Variants in CRPPA observed in about 807,000 individuals in gnomAD.
CRPPA encodes the protein D-ribitol-5-phosphate cytidylyltransferase.
A neutral mutation model predicts 52.0 loss-of-function variants in CRPPA; 43 were observed. That is an observed-to-expected ratio of 0.83 (90% CI 0.65 to 1.07). The LOEUF (loss-of-function observed/expected upper bound fraction) is 1.07. Ranked by LOEUF, CRPPA falls within the 50% of genes least tolerant of loss-of-function variation. CRPPA has a pLI of 0.00. For synonymous variants in CRPPA, 250 were observed against 203.5 expected (o/e 1.23, Z -1.94); for missense variants, 629 against 551.7 (o/e 1.14, Z -1.40).
At chr7:16,316,116 G>C (rs1785138297) in intron 3 of CRPPA, among the ~76,000 whole-genome samples, 1 of 152,036 alleles carries the variant, frequency 6.6e-6, no homozygotes, top group Non-Finnish European at 1.5e-5. Flanking sequence ...ATGAGAAAAT[G>C]ACACAGGATA....
chr7:16,296,258 G>C (rs2128421702), intron 5 of CRPPA, among the ~76,000 whole-genome samples: 1 of 152,154 alleles, frequency 6.6e-6, no homozygotes, highest in East Asian at 1.9e-4. Context: ...GGAGATTCTA[G>C]TCAAAAGCAT....
chr7:16,160,250 G>A (rs904107112), intron 9 of CRPPA, among the ~76,000 whole-genome samples: 5 of 152,164 alleles, frequency 3.3e-5, no homozygotes, highest in African/African-American at 9.7e-5. Context: ...CTATGCCTAT[G>A]TCCTGAATAG....
chr7:16,419,332 T>C (rs1284693017), intron 1 of CRPPA, among the ~76,000 whole-genome samples: 2 of 152,216 alleles, frequency 1.3e-5, no homozygotes, highest in African/African-American at 4.8e-5. Flanking sequence ...CCTAACTAAC[T>C]CCATCTTGCT....
At chr7:16,359,634 A>T (rs1473779882) in intron 3 of CRPPA, among the ~76,000 whole-genome samples, 1 of 152,158 alleles carries the variant, frequency 6.6e-6, no homozygotes. Context: ...CCTTTCAGTT[A>T]ATTTTTATTT....
chr7:16,344,847 G>C (rs1263590690), intron 3 of CRPPA, among the ~76,000 whole-genome samples: 2 of 151,834 alleles, frequency 1.3e-5, no homozygotes, highest in Non-Finnish European at 2.9e-5. Context: ...AAAGATCTCA[G>C]ATTATCAGTG....
At position 16,294,221 on chromosome 7, in the gene CRPPA, ATTTGGGTTTT is replaced by A. The variant is rs1272565440; in HGVS notation, c.835+7190_835+7199del. ...ATTTGCTTTGAGCATAAATATCATC[ATTTGGGTTTT>A]TTTGGGTTTTTTTTAACTACCTACA... On this transcript the variant is annotated intron_variant, in intron 5 of 9. Coordinates refer to ENST00000407010, the MANE Select transcript of CRPPA (RefSeq NM_001101426.4). Among the ~76,000 whole-genome samples, 3 of 152,068 alleles carry A rather than the reference ATTTGGGTTTT, an allele frequency of 2.0e-5. No homozygotes were observed. The East Asian group carries it at 5.8e-4, about 29-fold the overall frequency.
chr7:16,338,124 C>T (rs1262215443), intron 3 of CRPPA, among the ~76,000 whole-genome samples: 3 of 152,024 alleles, frequency 2.0e-5, no homozygotes, highest in African/African-American at 7.2e-5. Flanking sequence ...TTGGGAATGA[C>T]AGTAAGAGGA....
intron 3 of CRPPA, among the ~76,000 whole-genome samples, chr7:16,375,450 G>A (rs1411432644): frequency 1.3e-5 from 2 of 152,088 alleles, no homozygotes; most frequent in African/African-American, 4.8e-5. Context: ...AAGCAATCCA[G>A]TAATATTAAA....
chr7:16,137,513 T>C (rs1782784223), intron 9 of CRPPA, among the ~76,000 whole-genome samples: 1 of 152,168 alleles, frequency 6.6e-6, no homozygotes, highest in South Asian at 2.1e-4. Context: ...ATTAACTTTT[T>C]TAAAAATGAT....
intron 9 of CRPPA, among the ~76,000 whole-genome samples, chr7:16,210,332 T>C (rs1023033942): frequency 6.6e-6 from 1 of 152,204 alleles, no homozygotes; most frequent in Non-Finnish European, 1.5e-5. Flanking sequence ...TGGTTCCCAA[T>C]GATAACCCTT....
chr7:16,374,467 C>T (rs538389008), intron 3 of CRPPA, among the ~76,000 whole-genome samples: 1 of 152,282 alleles, frequency 6.6e-6, no homozygotes, highest in Non-Finnish European at 1.5e-5. Context: ...TGAGCCAATT[C>T]TCCCTAATAA....
chr7:16,414,187 C>A (rs1357250216), intron 1 of CRPPA, among the ~76,000 whole-genome samples: 1 of 152,118 alleles, frequency 6.6e-6, no homozygotes, highest in African/African-American at 2.4e-5. Context: ...GAAAGCCCTG[C>A]CAGACCTTGT....
Position 16,421,349 on chromosome 7 carries a change from C to G in CRPPA, c.-27G>C. 8.1e-7 allele frequency: 1 copy of G among 1,235,734 alleles called. No individual in the cohort carries two copies. The highest frequency in any genetic ancestry group is 1.0e-6 in the Non-Finnish European group (1 of 988,248). The allele number at this position is 1,235,734 out of a possible 1,614,324, so 76.5% of individuals were successfully genotyped here. On this transcript the variant is annotated 5_prime_UTR_variant, in exon 1 of 10. Coordinates refer to ENST00000407010, the MANE Select transcript of CRPPA (RefSeq NM_001101426.4). Reference sequence around the variant, plus strand: ...GCTGCGGGCGGAACGGCGAGCCCCGCTAGCCTCGGGCCGATGCGACCCCGC... The same window carrying G: ...GCTGCGGGCGGAACGGCGAGCCCCGGTAGCCTCGGGCCGATGCGACCCCGC...
intron 4 of CRPPA, among the ~76,000 whole-genome samples, chr7:16,305,465 GA>G (rs1784887865): frequency 6.6e-6 from 1 of 152,164 alleles, no homozygotes; most frequent in Non-Finnish European, 1.5e-5. Context: ...ATTCCATGTG[GA>G]AAGTGATGCT....
intron 4 of CRPPA, among the ~76,000 whole-genome samples, chr7:16,302,102 T>A (rs538174370): frequency 3.9e-5 from 6 of 152,096 alleles, no homozygotes; most frequent in Admixed American, 2.0e-4. Flanking sequence ...CGAGACCATC[T>A]TAGATAACAC....
At chr7:16,239,243 A>T (rs578239029) in intron 8 of CRPPA, among the ~76,000 whole-genome samples, 4 of 151,776 alleles carry the variant, frequency 2.6e-5, no homozygotes, top group African/African-American at 9.7e-5. Context: ...TAACTTGGAC[A>T]GGTTAAGAGA....
chr7:16,332,700 T>G (rs2389595), intron 3 of CRPPA, among the ~76,000 whole-genome samples: 1 of 152,020 alleles, frequency 6.6e-6, no homozygotes, highest in Non-Finnish European at 1.5e-5. Flanking sequence ...TTCAATTAAA[T>G]TAAAAAACAA....
At chr7:16,160,674 TA>T (rs908514405) in intron 9 of CRPPA, among the ~76,000 whole-genome samples, 3 of 152,168 alleles carry the variant, frequency 2.0e-5, no homozygotes, top group African/African-American at 7.2e-5. Context: ...TATGAAATTT[TA>T]CGTAGTTTTG....
At chr7:16,131,869 C>G (rs189833091) in intron 9 of CRPPA, among the ~76,000 whole-genome samples, 1 of 152,292 alleles carries the variant, frequency 6.6e-6, no homozygotes, top group Admixed American at 6.5e-5. Context: ...AGCCACTGCA[C>G]CCAGCCACCA....
Sources: allele counts gnomAD v4.1 joint callset (sites outside exome capture counted in the v4.1 genomes callset), GRCh38; gene constraint gnomAD v4.1.1; transcripts MANE v1.5; gene names NCBI Gene and HGNC (gene_info 2026-07-23, HGNC 2026-07-21).